PCDHA1: variants seen among roughly 807,000 people sequenced by gnomAD.
PCDHA1 encodes the protein protocadherin alpha 1, also known as protocadherin alpha-1.
A neutral mutation model predicts 61.3 loss-of-function variants in PCDHA1; 42 were observed. The observed-to-expected ratio is 0.69, with a 90% CI of 0.54 to 0.89. PCDHA1 has a LOEUF of 0.89. Ranked by LOEUF, PCDHA1 falls within the 40% of genes least tolerant of loss-of-function variation. The pLI, the probability that PCDHA1 is intolerant of heterozygous loss-of-function variation, is 0.00. For missense variants in PCDHA1, 1,256 were observed against 1,235.3 expected, an observed-to-expected ratio of 1.02 and a Z score of -0.25; for synonymous variants, 610 against 553.8, an observed-to-expected ratio of 1.10 and a Z score of -1.43.
intron 3 of PCDHA1, among the ~76,000 whole-genome samples, chr5:140,986,555 T>A (rs1554248143): frequency 6.6e-6 from 1 of 152,214 alleles, no homozygotes; most frequent in African/African-American, 2.4e-5. Context: ...GCCAGGCTGC[T>A]TTGTTATCTG....
chr5:140,822,389 A>G, intron 1 of PCDHA1: 1 of 1,614,136 alleles, frequency 6.2e-7, no homozygotes, highest in South Asian at 1.1e-5. Context: ...GAAGAAACAC[A>G]AGAACACCGT....
intron 3 of PCDHA1, among the ~76,000 whole-genome samples, chr5:140,991,948 A>G (rs2097482017): frequency 6.6e-6 from 1 of 152,046 alleles, no homozygotes; most frequent in Non-Finnish European, 1.5e-5. Flanking sequence ...TAAAATTAGA[A>G]TGCAGTCATT....
Position 140,788,594 on chromosome 5 carries a change from C to A in PCDHA1, c.2304C>A (p.Asp768Glu), listed in dbSNP as rs188465198. The A allele has an allele frequency of 1.5e-5, 24 of 1,614,166 alleles. No individual in the cohort carries two copies. The highest frequency in any genetic ancestry group is 1.6e-4 in the Middle Eastern group (1 of 6,062). ...CTAGCGAGGGCCCACCCAAGACCGA[C>A]CTCATGGCCTTCAGCCCAGGCCTAT... ...VCSSEGPPKTDLMAFSPGLSP... is the reference protein window; with the variant it reads ...VCSSEGPPKTELMAFSPGLSP... Residue 768 changes from aspartate to glutamate, a missense_variant, in exon 1 of 4, where the codon GAC becomes GAA. Transcript: ENST00000504120.
intron 1 of PCDHA1, chr5:140,803,240 G>A (rs1309162593): frequency 6.2e-7 from 1 of 1,613,682 alleles, no homozygotes; most frequent in African/African-American, 1.3e-5. Context: ...CCTCGTCCCA[G>A]GCGTCCGCTG....
intron 1 of PCDHA1, among the ~76,000 whole-genome samples, chr5:140,939,948 A>C (rs2153644220): frequency 6.6e-6 from 1 of 152,296 alleles, no homozygotes; most frequent in Admixed American, 6.5e-5. Context: ...TACTGAGAAA[A>C]TTATGTTAAA....
rs1554118292 is a variant in PCDHA1 at position 140,788,573 on chromosome 5, C to T, written c.2283C>T (p.Ser761=). ...SQQRRQRVCS[S]EGPPKTDLMA... ...AGAGGCGGCAGAGGGTGTGCTCTAG[C>T]GAGGGCCCACCCAAGACCGACCTCA... The change falls in exon 1 of 4, where the codon AGC becomes AGT. Residue 761 remains serine (S), a synonymous_variant. Coordinates refer to ENST00000504120, the MANE Select transcript of PCDHA1 (RefSeq NM_018900.4). The T allele has an allele frequency of 1.2e-6, 2 of 1,614,012 alleles. No homozygotes were observed. Among genetic ancestry groups the T allele is most frequent in the Admixed American group, 1.7e-5 (1 of 59,998 alleles).
chr5:140,814,250 A>G (rs1436384389), intron 1 of PCDHA1: 1 of 152,380 alleles, frequency 6.6e-6, no homozygotes, highest in East Asian at 1.9e-4. Context: ...AAATGAAGAT[A>G]TAAACACCCA....
chr5:140,841,872 C>T (rs147561890), intron 1 of PCDHA1: 4 of 1,613,678 alleles, frequency 2.5e-6, no homozygotes, highest in Non-Finnish European at 3.4e-6. Context: ...GATGTGAATT[C>T]AAAGAACGAT....
intron 1 of PCDHA1, among the ~76,000 whole-genome samples, chr5:140,936,540 G>A (rs1320380132): frequency 6.6e-6 from 1 of 152,174 alleles, no homozygotes; most frequent in East Asian, 1.9e-4. Context: ...TGAATATAGT[G>A]CAATGTAGAA....
chr5:140,805,754 A>T (rs1763626106), intron 1 of PCDHA1: 2 of 242,630 alleles, frequency 8.2e-6, no homozygotes, highest in Non-Finnish European at 1.3e-5. Context: ...CTTGAAATAC[A>T]TCTTAATTGG....
At chr5:141,009,604 A>T (rs782247768) in intron 3 of PCDHA1, 23 bp from the exon 4 acceptor site, 2 of 1,608,944 alleles carry the variant, frequency 1.2e-6, no homozygotes, top group East Asian at 4.5e-5. Context: ...CCTGTTAATG[A>T]TTTGTAATGT....
intron 3 of PCDHA1, among the ~76,000 whole-genome samples, chr5:140,993,994 A>T (rs1393081374): frequency 6.6e-6 from 1 of 152,234 alleles, no homozygotes; most frequent in African/African-American, 2.4e-5. Context: ...CACTTAGGTC[A>T]GGCCAGGCTC....
chr5:140,921,051 C>T (rs2079992855), intron 1 of PCDHA1, among the ~76,000 whole-genome samples: 1 of 151,910 alleles, frequency 6.6e-6, no homozygotes, highest in Non-Finnish European at 1.5e-5. Context: ...GCAATCATAG[C>T]TCACTCTAAC....
intron 1 of PCDHA1, among the ~76,000 whole-genome samples, chr5:140,907,880 A>G (rs2073662183): frequency 6.6e-6 from 1 of 152,236 alleles, no homozygotes; most frequent in Non-Finnish European, 1.5e-5. Flanking sequence ...GAGCACTCAC[A>G]TGGGATACAA....
chr5:140,848,541 C>T (rs2150412469), intron 1 of PCDHA1: 3 of 1,595,306 alleles, frequency 1.9e-6, no homozygotes, highest in African/African-American at 1.3e-5. Context: ...GCCTCTACTG[C>T]TCTCGCTTCT....
At position 140,856,397 on chromosome 5, in the gene PCDHA1, C is replaced by T. The variant is rs782776522; in HGVS notation, c.2394+67713C>T. On this transcript the variant is annotated intron_variant, in intron 1 of 3. Coordinates refer to ENST00000504120, the MANE Select transcript of PCDHA1 (RefSeq NM_018900.4). ...CGTGGACAGGCCGCTGCAGGTTTTC[C>T]ATGTGGACGTGGAAGTGAAGGACAT... 3.6e-5 allele frequency: 58 copies of T among 1,598,382 alleles called. 7 individuals carry two copies. In the Admixed American group the frequency reaches 4.9e-4, roughly 13 times the overall value.
intron 1 of PCDHA1, chr5:140,796,303 G>T (rs782204600): frequency 2.3e-5 from 37 of 1,614,026 alleles, no homozygotes; most frequent in Non-Finnish European, 3.1e-5. Flanking sequence ...CGAGGTGGCC[G>T]ACGTGAACGA....
chr5:140,981,691 T>C (rs1370541525), intron 2 of PCDHA1, among the ~76,000 whole-genome samples: 1 of 150,826 alleles, frequency 6.6e-6, no homozygotes, highest in East Asian at 2.1e-4. Flanking sequence ...CCTTCCATCA[T>C]TCATTCATTC....
chr5:140,795,999 T>C (rs781892845), intron 1 of PCDHA1: 2 of 1,614,060 alleles, frequency 1.2e-6, no homozygotes, highest in Non-Finnish European at 1.7e-6. Context: ...ACATCAATGA[T>C]AACACACCAG....
Sources: gnomAD v4.1 joint callset for allele counts (sites outside exome capture counted in the v4.1 genomes callset) on GRCh38, gnomAD v4.1.1 for gene constraint, MANE v1.5 for transcripts, NCBI Gene and HGNC (gene_info 2026-07-23, HGNC 2026-07-21) for gene names.